The following TIAM1 variants were observed in gnomAD, a reference collection of about 807,000 sequenced individuals.
The protein encoded by TIAM1 is TIAM Rac1 associated GEF 1, also known as rho guanine nucleotide exchange factor TIAM1.
A neutral mutation model predicts 163.5 loss-of-function variants in TIAM1; 65 were observed. The observed-to-expected ratio is 0.40, with a 90% CI of 0.33 to 0.49. The LOEUF is 0.49. TIAM1 is among the 20% of genes least tolerant of loss of function. The probability of loss-of-function intolerance (pLI) is 0.77; values close to 1 mark genes in which losing one functional copy is unlikely to be tolerated. For synonymous variants in TIAM1, 833 were observed against 810.1 expected (o/e 1.03, Z -0.48); for missense variants, 1,789 against 2,044.7 (o/e 0.87, Z 2.41).
At chr21:31,450,092 C>T (rs755914299) in intron 2 of TIAM1, among the ~76,000 whole-genome samples, 56 of 152,140 alleles carry the variant, frequency 3.7e-4, no homozygotes, top group Non-Finnish European at 7.5e-4. Context: ...AGCAAACAGG[C>T]CTCCTGGGCC....
At chr21:31,195,678 A>G (rs1367206070) in intron 12 of TIAM1, among the ~76,000 whole-genome samples, 1 of 152,246 alleles carries the variant, frequency 6.6e-6, no homozygotes, top group Non-Finnish European at 1.5e-5. Flanking sequence ...CATGGAAATA[A>G]GATAAATCTC....
intron 2 of TIAM1, among the ~76,000 whole-genome samples, chr21:31,279,567 CTT>C (rs2073453690): frequency 6.6e-6 from 1 of 152,188 alleles, no homozygotes; most frequent in Non-Finnish European, 1.5e-5. Context: ...CAAGTCAAAT[CTT>C]TACTTTCAGC....
chr21:31,493,110 C>T (rs537095786), intron 1 of TIAM1, among the ~76,000 whole-genome samples: 36 of 152,178 alleles, frequency 2.4e-4, no homozygotes, highest in African/African-American at 8.4e-4. Context: ...AAGCTCAATC[C>T]TGCGTAATCT....
chr21:31,429,916 T>G (rs2043939545), intron 2 of TIAM1, among the ~76,000 whole-genome samples: 1 of 152,070 alleles, frequency 6.6e-6, no homozygotes, highest in Non-Finnish European at 1.5e-5. Context: ...CTCCCAAAGT[T>G]GCACAGGGGG....
At chr21:31,145,752 G>T (rs1268784878) in intron 20 of TIAM1, among the ~76,000 whole-genome samples, 1 of 152,040 alleles carries the variant, frequency 6.6e-6, no homozygotes, top group Non-Finnish European at 1.5e-5. Context: ...AAAAGTAGGT[G>T]AAGGAAAGAT....
At chr21:31,176,534 A>C (rs2084772700) in intron 15 of TIAM1, among the ~76,000 whole-genome samples, 1 of 152,006 alleles carries the variant, frequency 6.6e-6, no homozygotes, top group Admixed American at 6.5e-5. Context: ...CTCAGCATAG[A>C]CTCTCCTTAT....
intron 14 of TIAM1, among the ~76,000 whole-genome samples, chr21:31,185,149 T>G (rs1356551793): frequency 6.6e-6 from 1 of 150,920 alleles, no homozygotes; most frequent in Non-Finnish European, 1.5e-5. Flanking sequence ...ACATATTATT[T>G]TGCCACTTCT....
intron 15 of TIAM1, among the ~76,000 whole-genome samples, chr21:31,171,174 G>A (rs1007825230): frequency 4.6e-5 from 7 of 151,872 alleles, no homozygotes; most frequent in Non-Finnish European, 8.8e-5. Flanking sequence ...GATTACCCAC[G>A]TGAAGAAACA....
intron 5 of TIAM1, among the ~76,000 whole-genome samples, chr21:31,248,648 T>C (rs1039136958): frequency 6.6e-6 from 1 of 152,202 alleles, no homozygotes; most frequent in East Asian, 1.9e-4. Context: ...TGTTCTGCTT[T>C]TTATTTCCCA....
At chr21:31,191,989 T>C (rs1336852985) in intron 13 of TIAM1, among the ~76,000 whole-genome samples, 1 of 152,174 alleles carries the variant, frequency 6.6e-6, no homozygotes, top group East Asian at 1.9e-4. Context: ...AGCATCTAAT[T>C]TTGGAGGATC....
At chr21:31,394,742 A>T (rs1377561757) in intron 2 of TIAM1, among the ~76,000 whole-genome samples, 2,531 of 146,366 alleles carry the variant, frequency 0.017, 54 homozygotes, top group African/African-American at 0.032. Context: ...ACACACACAC[A>T]CACACACACA....
At chr21:31,520,926 T>A (rs3787685) in intron 1 of TIAM1, among the ~76,000 whole-genome samples, 31,105 of 152,138 alleles carry the variant, frequency 0.2, 3,331 homozygotes, top group Middle Eastern at 0.28. Flanking sequence ...AACACCTGCT[T>A]CATAAGGTAA....
intron 6 of TIAM1, among the ~76,000 whole-genome samples, chr21:31,231,997 G>C (rs969314208): frequency 6.6e-6 from 1 of 151,430 alleles, no homozygotes; most frequent in South Asian, 2.1e-4. Context: ...GGGCAACAGA[G>C]AGAAACTCCA....
chr21:31,453,594 G>A (rs531559868), intron 2 of TIAM1, among the ~76,000 whole-genome samples: 2 of 152,186 alleles, frequency 1.3e-5, no homozygotes, highest in South Asian at 4.2e-4. Flanking sequence ...TCGGGAGGCT[G>A]AGGCAGGAGA....
chr21:31,159,549 GCT>G (rs2083797755), intron 16 of TIAM1, among the ~76,000 whole-genome samples: 3 of 152,278 alleles, frequency 2.0e-5, no homozygotes, highest in African/African-American at 7.2e-5. Context: ...CTTTACTTAA[GCT>G]TTTTTTGGGG....
chr21:31,392,424 G>A (rs1438643172), intron 2 of TIAM1, among the ~76,000 whole-genome samples: 5 of 151,928 alleles, frequency 3.3e-5, no homozygotes, highest in Non-Finnish European at 7.4e-5. Context: ...TTCAAAATTA[G>A]CCGGGCATGG....
intron 2 of TIAM1, among the ~76,000 whole-genome samples, chr21:31,425,325 GC>G (rs1329378450): frequency 6.6e-6 from 1 of 152,098 alleles, no homozygotes; most frequent in African/African-American, 2.4e-5. Context: ...ACAAATCTCA[GC>G]AGGAGCAATC....
chr21:31,258,483 C>T (rs905307177), intron 4 of TIAM1, among the ~76,000 whole-genome samples: 1 of 152,078 alleles, frequency 6.6e-6, no homozygotes, highest in Non-Finnish European at 1.5e-5. Flanking sequence ...TGGATGCAAT[C>T]GGAGTTCACT....
chr21:31,267,040 C>T, intron 3 of TIAM1, 57 bp from the exon 4 acceptor site: 1 of 1,514,620 alleles, frequency 6.6e-7, no homozygotes, highest in Non-Finnish European at 8.8e-7. Flanking sequence ...CAGGTATAGG[C>T]ATCTTAGAGA....
Sources: gnomAD v4.1 joint callset for allele counts (sites outside exome capture counted in the v4.1 genomes callset) on GRCh38, gnomAD v4.1.1 for gene constraint, MANE v1.5 for transcripts, NCBI Gene and HGNC (gene_info 2026-07-23, HGNC 2026-07-21) for gene names.